The following CDK14 variants were observed in gnomAD, a reference collection of about 807,000 sequenced individuals.
CDK14 encodes the protein cyclin-dependent kinase 14.
Under a neutral mutation model 60.7 loss-of-function variants are expected in CDK14, and 34 were observed. That is an observed-to-expected ratio of 0.56 (90% CI 0.43 to 0.75). CDK14 has a LOEUF of 0.75. Ranked by LOEUF, CDK14 falls within the 30% of genes least tolerant of loss-of-function variation. The pLI, the probability that CDK14 is intolerant of heterozygous loss-of-function variation, is 0.00. For synonymous variants in CDK14, 197 were observed against 203.7 expected, an observed-to-expected ratio of 0.97 and a Z score of 0.28; for missense variants, 482 against 564.1, an observed-to-expected ratio of 0.85 and a Z score of 1.47.
chr7:90,952,131 G>T (rs1230958020), intron 8 of CDK14, among the ~76,000 whole-genome samples: 1 of 152,138 alleles, frequency 6.6e-6, no homozygotes, highest in East Asian at 1.9e-4. Context: ...GGGAGAAAAT[G>T]TAGAAGAAAG....
At chr7:91,088,076 A>T (rs922995492) in intron 12 of CDK14, among the ~76,000 whole-genome samples, 1 of 152,316 alleles carries the variant, frequency 6.6e-6, no homozygotes, top group Middle Eastern at 3.4e-3. Context: ...GGATAACCCT[A>T]AGCCAGATGT....
At chr7:91,110,301 T>C (rs1799435136) in intron 12 of CDK14, among the ~76,000 whole-genome samples, 1 of 152,152 alleles carries the variant, frequency 6.6e-6, no homozygotes, top group African/African-American at 2.4e-5. Flanking sequence ...GTAGTCAATT[T>C]AGTGGGGAAT....
At chr7:90,597,807 A>AC (rs1455887253) in intron 1 of CDK14, among the ~76,000 whole-genome samples, 1 of 151,288 alleles carries the variant, frequency 6.6e-6, no homozygotes, top group Non-Finnish European at 1.5e-5. Flanking sequence ...CAAGTGAGAG[A>AC]GTACAATGGA....
chr7:90,760,752 A>G (rs1584865957), intron 4 of CDK14, among the ~76,000 whole-genome samples: 2 of 152,244 alleles, frequency 1.3e-5, no homozygotes, highest in African/African-American at 4.8e-5. Flanking sequence ...CAGCATTACA[A>G]TGTATAACAG....
At position 90,628,818 on chromosome 7, in the gene CDK14, C is replaced by T. The variant is rs144394502; in HGVS notation, c.123+24569C>T. Among the ~76,000 whole-genome samples the T allele has an allele frequency of 7.4e-3, 1,129 of 151,900 alleles. 10 individuals are homozygous for T. Among genetic ancestry groups the T allele is most frequent in the South Asian group, 0.035 (167 of 4,800 alleles). On this transcript the variant is annotated intron_variant, in intron 2 of 14. Coordinates refer to ENST00000380050, the MANE Select transcript of CDK14 (RefSeq NM_001287135.2). Reference sequence around the variant, plus strand: ...ACCCACCACTGCACTCCAGCCTTGGCGACAGAGTGAGACCCTGACCCTTAA... The same window carrying T: ...ACCCACCACTGCACTCCAGCCTTGGTGACAGAGTGAGACCCTGACCCTTAA...
chr7:90,810,752 A>G (rs1375643331), intron 5 of CDK14, among the ~76,000 whole-genome samples: 3 of 152,154 alleles, frequency 2.0e-5, no homozygotes, highest in Admixed American at 6.5e-5. Flanking sequence ...TAAGCTGATA[A>G]GCAACTTCAG....
intron 14 of CDK14, among the ~76,000 whole-genome samples, chr7:91,199,667 T>A (rs1802656533): frequency 6.6e-6 from 1 of 152,212 alleles, no homozygotes; most frequent in African/African-American, 2.4e-5. Flanking sequence ...GAGAAATGCT[T>A]TGTTTTGAAA....
intron 3 of CDK14, among the ~76,000 whole-genome samples, chr7:90,745,399 C>T (rs995982795): frequency 6.6e-6 from 1 of 152,154 alleles, no homozygotes; most frequent in East Asian, 1.9e-4. Context: ...CGATTACAAT[C>T]TATGACAATA....
intron 9 of CDK14, among the ~76,000 whole-genome samples, chr7:90,960,386 TA>T (rs1794565877): frequency 6.6e-6 from 1 of 152,052 alleles, no homozygotes; most frequent in African/African-American, 2.4e-5. Flanking sequence ...CTAATTAACA[TA>T]TTAACTATGC....
intron 14 of CDK14, among the ~76,000 whole-genome samples, chr7:91,151,693 TG>T (rs1345624668): frequency 1.3e-5 from 2 of 152,220 alleles, no homozygotes; most frequent in East Asian, 3.8e-4. Flanking sequence ...CATTGTATCA[TG>T]GATGCAGAAA....
intron 11 of CDK14, among the ~76,000 whole-genome samples, chr7:91,078,580 G>A (rs1417288757): frequency 6.6e-6 from 1 of 152,038 alleles, no homozygotes; most frequent in Admixed American, 6.6e-5. Flanking sequence ...GCACTACAGC[G>A]TGGGCAACAG....
intron 2 of CDK14, among the ~76,000 whole-genome samples, chr7:90,610,534 A>G (rs1176055122): frequency 1.3e-5 from 2 of 152,192 alleles, no homozygotes; most frequent in Non-Finnish European, 2.9e-5. Flanking sequence ...GCAAAGTACC[A>G]CAAACTGTGT....
chr7:91,169,548 C>T (rs1801449126), intron 14 of CDK14, among the ~76,000 whole-genome samples: 1 of 152,174 alleles, frequency 6.6e-6, no homozygotes, highest in African/African-American at 2.4e-5. Context: ...AGTACCCTCT[C>T]CCTTTAAAAA....
intron 14 of CDK14, among the ~76,000 whole-genome samples, chr7:91,173,747 A>ATG (rs1416515332): frequency 2.6e-5 from 4 of 152,208 alleles, no homozygotes; most frequent in Middle Eastern, 3.4e-3. Context: ...CGCTTTTCCG[A>ATG]TGGGCTTAAA....
At chr7:91,023,320 T>C (rs1471627447) in intron 10 of CDK14, among the ~76,000 whole-genome samples, 2 of 152,178 alleles carry the variant, frequency 1.3e-5, no homozygotes, top group Non-Finnish European at 2.9e-5. Context: ...AGTTTGGTTT[T>C]TGTTGGTGAT....
At chr7:90,780,374 T>C (rs1471624272) in intron 4 of CDK14, among the ~76,000 whole-genome samples, 1 of 151,784 alleles carries the variant, frequency 6.6e-6, no homozygotes, top group Non-Finnish European at 1.5e-5. Context: ...AATTAGGTTT[T>C]TTATTTCATT....
At chr7:90,926,377 G>T (rs1270856454) in intron 8 of CDK14, among the ~76,000 whole-genome samples, 1 of 152,154 alleles carries the variant, frequency 6.6e-6, no homozygotes, top group Non-Finnish European at 1.5e-5. Context: ...AGGAAACCTT[G>T]TTGGAATAAA....
chr7:90,956,839 C>T (rs1342605176), intron 9 of CDK14, among the ~76,000 whole-genome samples: 1 of 150,168 alleles, frequency 6.7e-6, no homozygotes, highest in Admixed American at 6.7e-5. Flanking sequence ...TGTTCAATTC[C>T]CACCTATGAG....
chr7:90,858,431 C>T (rs768623719), intron 5 of CDK14, among the ~76,000 whole-genome samples: 2 of 152,144 alleles, frequency 1.3e-5, no homozygotes, highest in Non-Finnish European at 2.9e-5. Context: ...GAGATTCTCA[C>T]TGAAGTGGAA....
Sources: gnomAD v4.1 joint callset for allele counts (sites outside exome capture counted in the v4.1 genomes callset) on GRCh38, gnomAD v4.1.1 for gene constraint, MANE v1.5 for transcripts, NCBI Gene and HGNC (gene_info 2026-07-23, HGNC 2026-07-21) for gene names.